Variants in GPC5 observed in about 807,000 individuals in gnomAD.
GPC5 encodes glypican 5.
Under a neutral mutation model 53.9 loss-of-function variants are expected in GPC5, and 47 were observed. The ratio of observed to expected loss-of-function variants is 0.87; its 90% confidence interval spans 0.69 to 1.11. GPC5 has a LOEUF of 1.11. Among genes scored for constraint, GPC5 ranks in the 50% most tolerant of loss-of-function variants. The pLI is 0.00. For synonymous variants in GPC5, 286 were observed against 263.3 expected, an observed-to-expected ratio of 1.09 and a Z score of -0.84; for missense variants, 748 against 713.1, an observed-to-expected ratio of 1.05 and a Z score of -0.56.
chr13:92,601,831 A>G (rs1170944279), intron 7 of GPC5, among the ~76,000 whole-genome samples: 2 of 151,830 alleles, frequency 1.3e-5, no homozygotes, highest in African/African-American at 2.4e-5. Context: ...CTGTAGATCC[A>G]AGTGAACACG....
At position 92,758,433 on chromosome 13, in the gene GPC5, A is replaced by G. The variant is rs527668632; in HGVS notation, c.1562-107849A>G. 9.9e-5 allele frequency among the ~76,000 whole-genome samples: 15 copies of G among 152,048 alleles called. No homozygotes were observed. The East Asian group carries it at 2.7e-3, about 28-fold the overall frequency. ...TGGCACATGTATACGTATGTAACTA[A>G]CCTGCACAATGTGCACATGTACCCT... is the stretch of plus-strand genomic sequence containing the variant. On this transcript the variant is annotated intron_variant, in intron 7 of 7. Coordinates refer to ENST00000377067, the MANE Select transcript of GPC5 (RefSeq NM_004466.6).
rs571516733 is a variant in GPC5 at position 92,662,225 on chromosome 13, C to T, written c.1562-204057C>T. Among the ~76,000 whole-genome samples the T allele has an allele frequency of 3.9e-5, 6 of 152,114 alleles. No individual in the cohort carries two copies. The East Asian group carries it at 1.2e-3, about 30-fold the overall frequency. ...CCATTGTCACTTGAGCACAAAACCC[C>T]CACTCTTTCTCTCTTTCCCTTTATC... On this transcript the variant is annotated intron_variant, in intron 7 of 7. Transcript: ENST00000377067.
At chr13:92,728,627 G>A (rs527845379) in intron 7 of GPC5, among the ~76,000 whole-genome samples, 1 of 151,462 alleles carries the variant, frequency 6.6e-6, no homozygotes, top group East Asian at 1.9e-4. Context: ...ATACAGCACT[G>A]ATTGTTATTA....
intron 2 of GPC5, among the ~76,000 whole-genome samples, chr13:91,506,634 A>G (rs950366954): frequency 1.3e-5 from 2 of 152,194 alleles, no homozygotes; most frequent in Admixed American, 1.3e-4. Context: ...GATGAAGTTG[A>G]AAATACTCAA....
At chr13:92,175,081 G>A (rs11840088) in intron 7 of GPC5, among the ~76,000 whole-genome samples, 24,238 of 152,186 alleles carry the variant, frequency 0.16, 2,439 homozygotes, top group African/African-American at 0.28. Context: ...TCAAACTCCC[G>A]ACCTCAGGTG....
At chr13:92,244,680 T>G (rs568231592) in intron 7 of GPC5, among the ~76,000 whole-genome samples, 1 of 152,296 alleles carries the variant, frequency 6.6e-6, no homozygotes, top group African/African-American at 2.4e-5. Context: ...ACATGTAACA[T>G]TTTCCTCTAA....
chr13:92,012,972 C>A (rs1330996678), intron 6 of GPC5, among the ~76,000 whole-genome samples: 1 of 152,108 alleles, frequency 6.6e-6, no homozygotes, highest in Non-Finnish European at 1.5e-5. Flanking sequence ...CTGTGTGGGG[C>A]CCACACCCAG....
At chr13:92,662,148 C>T (rs1298669038) in intron 7 of GPC5, among the ~76,000 whole-genome samples, 1 of 152,162 alleles carries the variant, frequency 6.6e-6, no homozygotes, top group Non-Finnish European at 1.5e-5. Context: ...CCCAGCCCAT[C>T]GTAATAACTC....
At chr13:91,862,071 T>C (rs1398107070) in intron 5 of GPC5, among the ~76,000 whole-genome samples, 2 of 152,108 alleles carry the variant, frequency 1.3e-5, no homozygotes, top group Non-Finnish European at 2.9e-5. Context: ...TTCAACGAAA[T>C]TGAACGATAA....
chr13:92,064,628 G>A (rs1354726059), intron 6 of GPC5, among the ~76,000 whole-genome samples: 1 of 151,800 alleles, frequency 6.6e-6, no homozygotes, highest in South Asian at 2.1e-4. Flanking sequence ...TGGTGGGGGG[G>A]CGCCTGTAAT....
chr13:92,551,401 C>CA, intron 7 of GPC5, among the ~76,000 whole-genome samples: 1 of 120,762 alleles, frequency 8.3e-6, no homozygotes. Context: ...CAGATATTTT[C>CA]AAAGGAAAAA....
At chr13:91,867,723 T>C (rs2039100197) in intron 5 of GPC5, among the ~76,000 whole-genome samples, 1 of 152,204 alleles carries the variant, frequency 6.6e-6, no homozygotes, top group Non-Finnish European at 1.5e-5. Context: ...TCACGAGGGA[T>C]GGATGGTTTA....
At chr13:92,061,650 C>A (rs962503868) in intron 6 of GPC5, among the ~76,000 whole-genome samples, 2 of 151,902 alleles carry the variant, frequency 1.3e-5, no homozygotes, top group African/African-American at 4.8e-5. Flanking sequence ...CATGGGCATG[C>A]AGTATATTCT....
At chr13:91,684,714 A>G (rs768633136) in intron 2 of GPC5, among the ~76,000 whole-genome samples, 5 of 152,160 alleles carry the variant, frequency 3.3e-5, no homozygotes, top group Non-Finnish European at 5.9e-5. Context: ...CATGCTCCAT[A>G]TATCAGCCAC....
At chr13:92,710,529 T>A (rs894641484) in intron 7 of GPC5, among the ~76,000 whole-genome samples, 6 of 152,230 alleles carry the variant, frequency 3.9e-5, no homozygotes, top group Admixed American at 2.0e-4. Flanking sequence ...AAAGTCTAAA[T>A]ATAATTCTAT....
At chr13:91,522,746 A>G (rs191016499) in intron 2 of GPC5, among the ~76,000 whole-genome samples, 1 of 152,146 alleles carries the variant, frequency 6.6e-6, no homozygotes, top group Non-Finnish European at 1.5e-5. Flanking sequence ...ATTTCCGCCT[A>G]TGAGTGAGAA....
At chr13:91,954,490 A>C (rs1215372992) in intron 6 of GPC5, among the ~76,000 whole-genome samples, 1 of 152,178 alleles carries the variant, frequency 6.6e-6, no homozygotes, top group African/African-American at 2.4e-5. Flanking sequence ...TAGAGGAGAA[A>C]ATGTATATGC....
intron 5 of GPC5, among the ~76,000 whole-genome samples, chr13:91,888,643 G>A (rs901609557): frequency 6.6e-6 from 1 of 152,100 alleles, no homozygotes; most frequent in Non-Finnish European, 1.5e-5. Flanking sequence ...TGGCAAGAAT[G>A]AGTGCTGGTT....
chr13:92,012,731 C>T (rs1303399393), intron 6 of GPC5, among the ~76,000 whole-genome samples: 2 of 152,198 alleles, frequency 1.3e-5, no homozygotes, highest in Non-Finnish European at 2.9e-5. Context: ...TATGTTTCTA[C>T]ATAAATGCTA....
Sources: allele counts gnomAD v4.1 joint callset (sites outside exome capture counted in the v4.1 genomes callset), GRCh38; gene constraint gnomAD v4.1.1; transcripts MANE v1.5; gene names NCBI Gene and HGNC (gene_info 2026-07-23, HGNC 2026-07-21).